Variants in STK3 observed in about 807,000 individuals in gnomAD.
The protein encoded by STK3 is serine/threonine-protein kinase 3.
In STK3, 41 loss-of-function variants were observed where a neutral mutation model predicts 58.0. The observed-to-expected ratio is 0.71, with a 90% CI of 0.55 to 0.92. STK3 has a LOEUF of 0.92. Ranked by LOEUF, STK3 falls within the 40% of genes least tolerant of loss-of-function variation. The pLI is 0.00. For synonymous variants in STK3, 170 were observed against 191.0 expected, an observed-to-expected ratio of 0.89 and a Z score of 0.91; for missense variants, 479 against 602.7, an observed-to-expected ratio of 0.79 and a Z score of 2.15.
chr8:98,630,634 CAGA>C (rs1255194036), intron 6 of STK3, among the ~76,000 whole-genome samples: 2 of 146,300 alleles, frequency 1.4e-5, no homozygotes, highest in African/African-American at 5.2e-5. Context: ...CAGAGAGGAA[CAGA>C]AGAAGAAGGA....
At chr8:98,358,731 T>C in the STK3 span, among the ~76,000 whole-genome samples, 3 of 152,190 alleles carry the variant, frequency 2.0e-5, no homozygotes, top group Non-Finnish European at 2.9e-5. Context: ...CAGGCAGAAA[T>C]GCTATTGTTT....
At chr8:98,804,796 T>A (rs192489966) in intron 1 of STK3, among the ~76,000 whole-genome samples, 43 of 152,340 alleles carry the variant, frequency 2.8e-4, no homozygotes, top group Admixed American at 2.4e-3. Flanking sequence ...CTATGCCATA[T>A]TACATAATAG....
chr8:98,664,018 GTTA>G (rs1305251600), intron 6 of STK3, among the ~76,000 whole-genome samples: 1 of 152,090 alleles, frequency 6.6e-6, no homozygotes, highest in Non-Finnish European at 1.5e-5. Flanking sequence ...ATGTTTAGGT[GTTA>G]TTATTACTAT....
chr8:98,755,937 C>T (rs1380558972), intron 3 of STK3, among the ~76,000 whole-genome samples: 1 of 151,936 alleles, frequency 6.6e-6, no homozygotes, highest in Non-Finnish European at 1.5e-5. Flanking sequence ...GTCAAGAGAT[C>T]GAGACCATCC....
chr8:98,854,855 G>C (rs951018968), intron 3 of STK3, among the ~76,000 whole-genome samples: 6 of 152,076 alleles, frequency 3.9e-5, no homozygotes, highest in African/African-American at 1.4e-4. Flanking sequence ...TCAAGAGTTT[G>C]AGACTAGCCT....
At chr8:98,365,832 T>TAG in the STK3 span, among the ~76,000 whole-genome samples, 1 of 152,378 alleles carries the variant, frequency 6.6e-6, no homozygotes, top group South Asian at 2.1e-4. Context: ...TTGTGTATTC[T>TAG]AGATCTAGCT....
intron 1 of STK3, among the ~76,000 whole-genome samples, chr8:98,794,237 TTCTAAGAGGAAAAACA>T (rs1332973359): frequency 2.2e-4 from 34 of 152,104 alleles, no homozygotes; most frequent in African/African-American, 8.0e-4. Flanking sequence ...AAAGTTGGTT[TTCTAAGAGGAAAAACA>T]AGACCGACAG....
At chr8:98,825,903 G>A (rs1368228923), upstream of STK3, among the ~76,000 whole-genome samples, 17 of 144,306 alleles carry the variant, frequency 1.2e-4, 1 homozygote, top group African/African-American at 3.5e-4. Flanking sequence ...CTGCGGCGGC[G>A]GCCCAGAGAA....
chr8:98,376,186 C>A (rs1817672731), intron 2 of STK3, among the ~76,000 whole-genome samples: 1 of 152,196 alleles, frequency 6.6e-6, no homozygotes, highest in Non-Finnish European at 1.5e-5. Flanking sequence ...TATCAAGCAT[C>A]TTTACATGTG....
intron 6 of STK3, among the ~76,000 whole-genome samples, chr8:98,705,076 A>G (rs1416772918): frequency 6.6e-6 from 1 of 152,202 alleles, no homozygotes; most frequent in Non-Finnish European, 1.5e-5. Flanking sequence ...TCTTTCATTT[A>G]CCAAAAGGAA....
chr8:98,700,934 C>T (rs972054933), intron 6 of STK3, among the ~76,000 whole-genome samples: 6 of 152,102 alleles, frequency 3.9e-5, no homozygotes, highest in African/African-American at 1.2e-4. Flanking sequence ...CCCAGGGAGG[C>T]GAAGATTGCA....
At chr8:98,450,021 T>C (rs1448268431), downstream of STK3, among the ~76,000 whole-genome samples, 3 of 152,192 alleles carry the variant, frequency 2.0e-5, no homozygotes, top group South Asian at 2.1e-4. Flanking sequence ...TAAAACTCTT[T>C]TCTTTAAATT....
At chr8:98,350,503 G>T in the STK3 span, among the ~76,000 whole-genome samples, 1 of 152,158 alleles carries the variant, frequency 6.6e-6, no homozygotes, top group Admixed American at 6.5e-5. Context: ...CTTTTCAGCA[G>T]TGCCCCACTC....
At chr8:98,427,914 C>G in intron 3 of STK3, 6 of 1,361,206 alleles carry the variant, frequency 4.4e-6, no homozygotes, top group Non-Finnish European at 5.9e-6. Flanking sequence ...GCGCTCTCGC[C>G]GACGCTGTTC....
At chr8:98,687,980 G>C (rs962844745) in intron 6 of STK3, among the ~76,000 whole-genome samples, 1 of 152,110 alleles carries the variant, frequency 6.6e-6, no homozygotes, top group Non-Finnish European at 1.5e-5. Flanking sequence ...AAGACATAGA[G>C]TGGCAAACTG....
At chr8:98,721,689 A>G (rs900730226) in intron 4 of STK3, among the ~76,000 whole-genome samples, 1 of 152,138 alleles carries the variant, frequency 6.6e-6, no homozygotes. Context: ...GCTAATTAAC[A>G]TACATGGAAA....
At chr8:98,930,311 G>A (rs1281266139) in intron 1 of STK3, among the ~76,000 whole-genome samples, 1 of 152,134 alleles carries the variant, frequency 6.6e-6, no homozygotes, top group Non-Finnish European at 1.5e-5. Flanking sequence ...AACTGCAGCT[G>A]CCGCCCCAGG....
intron 4 of STK3, among the ~76,000 whole-genome samples, chr8:98,732,866 C>T (rs1290217837): frequency 6.6e-6 from 1 of 151,950 alleles, no homozygotes; most frequent in African/African-American, 2.4e-5. Flanking sequence ...GCATACATTG[C>T]TTTTTTCAAA....
At chr8:98,932,114 A>G (rs1282538527) in intron 1 of STK3, among the ~76,000 whole-genome samples, 1 of 152,228 alleles carries the variant, frequency 6.6e-6, no homozygotes, top group Non-Finnish European at 1.5e-5. Flanking sequence ...TGGAAAATGG[A>G]AGAGATAATT....
Sources: gnomAD v4.1 joint callset for allele counts (sites outside exome capture counted in the v4.1 genomes callset) on GRCh38, gnomAD v4.1.1 for gene constraint, MANE v1.5 for transcripts, NCBI Gene and HGNC (gene_info 2026-07-23, HGNC 2026-07-21) for gene names.